BLM: variants seen among roughly 807,000 people sequenced by gnomAD.
BLM encodes recQ-like DNA helicase BLM.
In BLM, 95 loss-of-function variants were observed where a neutral mutation model predicts 135.3. The observed-to-expected ratio is 0.70, with a 90% CI of 0.59 to 0.83. The LOEUF is 0.83. BLM is among the 40% of genes least tolerant of loss of function. The pLI is 0.00. For missense variants in BLM, 1,518 were observed against 1,663.9 expected (o/e 0.91, Z 1.53); for synonymous variants, 520 against 589.2 (o/e 0.88, Z 1.70).
intron 1 of BLM, among the ~76,000 whole-genome samples, chr15:90,739,520 G>A (rs1033553207): frequency 2.0e-5 from 3 of 152,286 alleles, no homozygotes; most frequent in East Asian, 1.9e-4. Flanking sequence ...AGGCTGCAGC[G>A]AGCTCTGCAC....
intron 13 of BLM, among the ~76,000 whole-genome samples, chr15:90,783,900 A>C (rs1896677648): frequency 6.6e-6 from 1 of 152,220 alleles, no homozygotes; most frequent in South Asian, 2.1e-4. Context: ...AAAAACAAAA[A>C]AGAAAATTTA....
At chr15:90,781,929 GACTT>G (rs2151177349) in intron 12 of BLM, among the ~76,000 whole-genome samples, 1 of 152,278 alleles carries the variant, frequency 6.6e-6, no homozygotes, top group African/African-American at 2.4e-5. Context: ...CTGGGCTCCT[GACTT>G]ACTTTGTCTT....
At chr15:90,732,286 G>C (rs1257571770) in intron 1 of BLM, among the ~76,000 whole-genome samples, 1 of 151,926 alleles carries the variant, frequency 6.6e-6, no homozygotes, top group Non-Finnish European at 1.5e-5. Context: ...CTACAGAAAA[G>C]AAAACCTACA....
intron 1 of BLM, among the ~76,000 whole-genome samples, chr15:90,722,022 C>T (rs1036635950): frequency 1.3e-5 from 2 of 151,804 alleles, no homozygotes; most frequent in African/African-American, 2.4e-5. Context: ...AAGTGGCTCA[C>T]GCCTGTAATC....
In BLM at chr15:90,767,338, A is replaced by G. The variant is rs112691900; in HGVS notation, c.2307+315A>G. ...GATCAAAATTAGGAGATGTACATTG[A>G]TGCAGTACTATTACTTAATCTGTAA... is the stretch of plus-strand genomic sequence containing the variant. On this transcript the variant is annotated intron_variant, in intron 10 of 21. Transcript: ENST00000355112. 5.5e-3 allele frequency among the ~76,000 whole-genome samples: 841 copies of G among 152,312 alleles called. 11 individuals carry two copies. The highest frequency in any genetic ancestry group is 0.019 in the African/African-American group (792 of 41,556).
At chr15:90,747,274 T>G in intron 1 of BLM, 115 bp from the exon 2 acceptor site, 6 of 525,824 alleles carry the variant, frequency 1.1e-5, no homozygotes, top group Non-Finnish European at 1.8e-5. Context: ...GTCCTATTAC[T>G]CTGGGCACAG....
At chr15:90,728,291 C>T (rs1295711736) in intron 1 of BLM, among the ~76,000 whole-genome samples, 1 of 152,200 alleles carries the variant, frequency 6.6e-6, no homozygotes, top group Non-Finnish European at 1.5e-5. Flanking sequence ...CCACCTTGGC[C>T]TCCCAAAGTG....
intron 21 of BLM, among the ~76,000 whole-genome samples, chr15:90,813,920 G>A (rs1369677176): frequency 6.6e-6 from 1 of 152,216 alleles, no homozygotes; most frequent in Non-Finnish European, 1.5e-5. Context: ...CAATGAACCA[G>A]TTGTGTTCTG....
At chr15:90,780,818 G>A (rs867775511) in intron 12 of BLM, among the ~76,000 whole-genome samples, 1 of 152,280 alleles carries the variant, frequency 6.6e-6, no homozygotes, top group Non-Finnish European at 1.5e-5. Flanking sequence ...TATTTACATG[G>A]CATTTATTTA....
intron 21 of BLM, among the ~76,000 whole-genome samples, chr15:90,812,572 T>C (rs1294197344): frequency 6.6e-6 from 1 of 152,176 alleles, no homozygotes; most frequent in Non-Finnish European, 1.5e-5. Context: ...GACCATTCCA[T>C]CAGTCTTGAG....
At chr15:90,732,546 A>T (rs1254232678) in intron 1 of BLM, among the ~76,000 whole-genome samples, 1 of 151,816 alleles carries the variant, frequency 6.6e-6, no homozygotes, top group Non-Finnish European at 1.5e-5. Context: ...GAAATAAAGG[A>T]TTTCTGAAAA....
chr15:90,807,688 C>T (rs1897314776), intron 19 of BLM, among the ~76,000 whole-genome samples: 1 of 152,216 alleles, frequency 6.6e-6, no homozygotes, highest in Non-Finnish European at 1.5e-5. Flanking sequence ...GCATGAGCTA[C>T]CACGCTCAGC....
intron 1 of BLM, among the ~76,000 whole-genome samples, chr15:90,745,863 C>T (rs1292674122): frequency 2.0e-5 from 3 of 152,140 alleles, no homozygotes; most frequent in Non-Finnish European, 4.4e-5. Flanking sequence ...ATGACTTGAG[C>T]TCAGGAGTTC....
At chr15:90,744,370 T>TTTATTTA (rs1178184459) in intron 1 of BLM, among the ~76,000 whole-genome samples, 1 of 152,078 alleles carries the variant, frequency 6.6e-6, no homozygotes, top group Non-Finnish European at 1.5e-5. Context: ...GCTTTTATTT[T>TTTATTTA]TTATTTATTT....
chr15:90,782,146 G>A (rs1022036253), intron 12 of BLM, among the ~76,000 whole-genome samples: 1 of 152,198 alleles, frequency 6.6e-6, no homozygotes, highest in East Asian at 1.9e-4. Flanking sequence ...CCAGCACTTT[G>A]GGAGGCCAAG....
At chr15:90,765,724 A>G (rs184436523) in intron 9 of BLM, among the ~76,000 whole-genome samples, 1 of 152,298 alleles carries the variant, frequency 6.6e-6, no homozygotes, top group East Asian at 1.9e-4. Flanking sequence ...TTTCCCTTAT[A>G]TCTTAAAGTG....
chr15:90,747,349 G>T (rs1362931544), intron 1 of BLM, 40 bp from the exon 2 acceptor site: 2 of 1,450,970 alleles, frequency 1.4e-6, no homozygotes, highest in South Asian at 2.4e-5. Context: ...TTAATGCAAA[G>T]TACCTAACTC....
chr15:90,750,060 T>C lies in BLM; in HGVS notation c.792T>C (p.Asp264=), dbSNP rs764442592. The change falls in exon 3 of 22, where the codon GAT becomes GAC. Residue 264 remains aspartate, a synonymous_variant. Coordinates refer to ENST00000355112, the MANE Select transcript of BLM (RefSeq NM_000057.4). The stretch of plus-strand genomic sequence containing the variant: ...ACTCTCTGAAAACTCATTTGGAAGA[T>C]GAAAGAGGTAACAATTATTTTATCT... ...ESDSLKTHLE[D]ERDNSEKKKN... is the part of the protein sequence containing the mutation. 13 of 1,613,938 alleles carry C rather than the reference T, an allele frequency of 8.1e-6. No homozygotes were observed. The highest frequency in any genetic ancestry group is 4.4e-5 in the South Asian group (4 of 91,072).
In BLM at chr15:90,749,597, A is replaced by G. The variant is rs1292239409; in HGVS notation, c.329A>G (p.Asp110Gly). ...QRGGSKSLLP[D>G]FLQTPKEVVC... ...GGTGGATCAAAATCATTATTGCCAG[A>G]TTTCTTGCAGACTCCGAAGGAAGTT... The change falls in exon 3 of 22, where the codon GAT becomes GGT. Residue 110 changes from aspartate to glycine, a missense_variant. Coordinates refer to ENST00000355112, the MANE Select transcript of BLM (RefSeq NM_000057.4). The G allele has an allele frequency of 1.3e-5, 21 of 1,614,082 alleles. No homozygotes were observed. The highest frequency in any genetic ancestry group is 1.7e-5 in the Non-Finnish European group (20 of 1,180,040).
Sources: allele counts gnomAD v4.1 joint callset (sites outside exome capture counted in the v4.1 genomes callset), GRCh38; gene constraint gnomAD v4.1.1; transcripts MANE v1.5; gene names NCBI Gene and HGNC (gene_info 2026-07-23, HGNC 2026-07-21).